Variants in PNLIPRP1 observed in about 807,000 individuals in gnomAD.
The protein encoded by PNLIPRP1 is pancreatic lipase related protein 1, also known as inactive pancreatic lipase-related protein 1.
A neutral mutation model predicts 54.6 loss-of-function variants in PNLIPRP1; 57 were observed. The ratio of observed to expected loss-of-function variants is 1.04; its 90% CI spans 0.84 to 1.30. The LOEUF is 1.30. Ranked by LOEUF, PNLIPRP1 falls within the 50% of genes most tolerant of loss-of-function variation. The pLI, the probability that PNLIPRP1 is intolerant of heterozygous loss-of-function variation, is 0.00. For missense variants in PNLIPRP1, 567 were observed against 568.5 expected (o/e 1.00, Z 0.03); for synonymous variants, 232 against 208.8 (o/e 1.11, Z -0.96).
intron 8 of PNLIPRP1, among the ~76,000 whole-genome samples, chr10:116,599,831 T>C (rs1274379512): frequency 6.6e-6 from 1 of 152,202 alleles, no homozygotes; most frequent in Admixed American, 6.5e-5. Flanking sequence ...GACTGAGGAT[T>C]ACATGGACAA....
chr10:116,594,912 G>C, intron 5 of PNLIPRP1, 48 bp downstream of exon 5: 1 of 1,603,372 alleles, frequency 6.2e-7, no homozygotes, highest in Non-Finnish European at 8.5e-7. Flanking sequence ...GTGCCTGCTG[G>C]TCTCTGTTTG....
chr10:116,602,899 TTG>T (rs375770577), intron 10 of PNLIPRP1, among the ~76,000 whole-genome samples: 8 of 151,928 alleles, frequency 5.3e-5, no homozygotes, highest in African/African-American at 1.2e-4. Context: ...GTGTGTAGGT[TTG>T]TGTGTGTGTG....
At chr10:116,591,724 C>T (rs1554863169) in intron 2 of PNLIPRP1, 47 bp from the exon 3 acceptor site, 6 of 1,601,306 alleles carry the variant, frequency 3.7e-6, no homozygotes, top group Middle Eastern at 1.7e-4. Flanking sequence ...CACCCCAGAG[C>T]ACACCTTGAG....
intron 5 of PNLIPRP1, 94 bp downstream of exon 5, chr10:116,594,958 G>C: frequency 7.0e-7 from 1 of 1,436,526 alleles, no homozygotes; most frequent in Non-Finnish European, 9.5e-7. Context: ...ATTAAAGAAG[G>C]ACAAAGAATT....
chr10:116,607,104 T>C (rs1308732940), intron 12 of PNLIPRP1, among the ~76,000 whole-genome samples: 1 of 152,026 alleles, frequency 6.6e-6, no homozygotes, highest in African/African-American at 2.4e-5. Context: ...AATCCCCTCA[T>C]ATTTTTTAGT....
intron 11 of PNLIPRP1, among the ~76,000 whole-genome samples, chr10:116,604,621 G>C (rs1554865311): frequency 6.6e-6 from 1 of 150,612 alleles, no homozygotes; most frequent in African/African-American, 2.4e-5. Context: ...GTTAATTGCA[G>C]ACTTCTGCTA....
At chr10:116,594,392 G>A (rs563575834) in intron 4 of PNLIPRP1, 23 of 512,970 alleles carry the variant, frequency 4.5e-5, no homozygotes, top group East Asian at 1.6e-4. Context: ...ACTGGCCACC[G>A]GAGATTGCAC....
chr10:116,591,930 G>C lies in PNLIPRP1; in HGVS notation c.204+5G>C, dbSNP rs138466973. ...GAAAACCCAAACAACTTTCAAGTGA[G>C]ACCTCTGTCATTTAAATGTCACTGT... On this transcript the variant is annotated splice_donor_5th_base_variant and intron_variant, in intron 3 of 12. Coordinates refer to ENST00000358834, the MANE Select transcript of PNLIPRP1 (RefSeq NM_006229.4). The C allele has an allele frequency of 4.2e-5, 68 of 1,614,074 alleles. No individual in the cohort carries two copies. In the African/African-American group the frequency reaches 7.1e-4, roughly 17 times the overall value.
chr10:116,604,883 G>C (rs1482940835), intron 11 of PNLIPRP1, among the ~76,000 whole-genome samples: 5 of 151,676 alleles, frequency 3.3e-5, no homozygotes, highest in African/African-American at 1.2e-4. Flanking sequence ...GAGATGGGGG[G>C]CGTTTTGCCA....
Position 116,597,827 on chromosome 10 carries a change from G to T in PNLIPRP1, c.575-1G>T, listed in dbSNP as rs374441219. On this transcript the variant is annotated splice_acceptor_variant, in intron 6 of 12. Transcript: ENST00000358834. LOFTEE classifies it high-confidence loss of function. ...TCTGCAGTGCTGATCATCTCTTTTA[G>T]GGTTGGATCCTGTAGAAGCAAGTTT... 11 of 1,614,106 alleles carry T rather than the reference G, an allele frequency of 6.8e-6. No individual in the cohort carries two copies. Among genetic ancestry groups the T allele is most frequent in the Non-Finnish European group, 9.3e-6 (11 of 1,180,010 alleles).
chr10:116,595,397 C>T (rs1847717662), intron 5 of PNLIPRP1: 1 of 154,346 alleles, frequency 6.5e-6, no homozygotes, highest in Non-Finnish European at 1.4e-5. Context: ...TTATAGCTAA[C>T]TCCTTCAGTC....
intron 10 of PNLIPRP1, among the ~76,000 whole-genome samples, chr10:116,602,991 C>T (rs539709456): frequency 7.9e-5 from 12 of 151,888 alleles, no homozygotes; most frequent in East Asian, 3.9e-4. Context: ...TGTATGTGCA[C>T]GCACATGCAT....
chr10:116,603,667 C>T (rs145100474), intron 10 of PNLIPRP1, among the ~76,000 whole-genome samples: 15 of 152,168 alleles, frequency 9.9e-5, no homozygotes, highest in Admixed American at 2.0e-4. Flanking sequence ...CGGACACGGG[C>T]GGATCACTTG....
At chr10:116,593,368 A>G (rs540856799) in intron 4 of PNLIPRP1, among the ~76,000 whole-genome samples, 44 of 152,262 alleles carry the variant, frequency 2.9e-4, no homozygotes, top group African/African-American at 1.0e-3. Context: ...ATACCACAAT[A>G]TACCATCATC....
At chr10:116,607,474 G>T (rs1403322836) in intron 12 of PNLIPRP1, among the ~76,000 whole-genome samples, 2 of 152,186 alleles carry the variant, frequency 1.3e-5, no homozygotes, top group African/African-American at 4.8e-5. Context: ...CGGGGAGGCT[G>T]TGATGGAAGG....
chr10:116,603,832 G>A (rs1847890607), intron 10 of PNLIPRP1, among the ~76,000 whole-genome samples, 198 bp from the exon 11 acceptor site: 1 of 152,162 alleles, frequency 6.6e-6, no homozygotes, highest in African/African-American at 2.4e-5. Context: ...GGCAGAGGTG[G>A]CAGTGAGCCA....
intron 11 of PNLIPRP1, among the ~76,000 whole-genome samples, chr10:116,605,009 TG>T (rs1289633558): frequency 2.0e-5 from 3 of 152,188 alleles, no homozygotes; most frequent in Non-Finnish European, 2.9e-5. Context: ...TCTTAATAGA[TG>T]TTTTTTTAAA....
Position 116,605,495 on chromosome 10 carries a change from A to G in PNLIPRP1, c.1282A>G (p.Thr428Ala). The G allele has an allele frequency of 6.2e-7, 1 of 1,611,624 alleles. No individual in the cohort carries two copies. Among genetic ancestry groups the G allele is most frequent in the South Asian group, 1.1e-5 (1 of 90,698 alleles). ...TTGGAATAACAATGTGATAAATCCA[A>G]CCCTCCCCAAAGTGGGTGCCACCAA... ...FLWNNNVINP[T>A]LPKVGATKIT... Residue 428 changes from threonine to alanine, a missense_variant, in exon 12 of 13, where the codon ACC becomes GCC. Coordinates refer to ENST00000358834, the MANE Select transcript of PNLIPRP1 (RefSeq NM_006229.4).
Position 116,608,410 on chromosome 10 carries a change from C to T in PNLIPRP1, c.1341-643C>T, listed in dbSNP as rs189530930. Among the ~76,000 whole-genome samples, 794 of 152,224 alleles carry T rather than the reference C, an allele frequency of 5.2e-3. 11 individuals carry two copies. The highest frequency in any genetic ancestry group is 4.6e-3 in the Non-Finnish European group (315 of 67,994). On this transcript the variant is annotated intron_variant, in intron 12 of 12. Coordinates refer to ENST00000358834, the MANE Select transcript of PNLIPRP1 (RefSeq NM_006229.4). ...GGAACTCCAGGGAGGAACGCCAGGT[C>T]CCCCGACTCCAGAGCTGGAAGACAA...
Sources: gnomAD v4.1 joint callset for allele counts (sites outside exome capture counted in the v4.1 genomes callset) on GRCh38, gnomAD v4.1.1 for gene constraint, MANE v1.5 for transcripts, NCBI Gene and HGNC (gene_info 2026-07-23, HGNC 2026-07-21) for gene names.